Variants in FANCA observed in about 807,000 individuals in gnomAD.
FANCA encodes Fanconi anemia group A protein.
FANCA carries 236 observed loss-of-function variants against 194.3 expected under a neutral mutation model. That is an observed-to-expected ratio of 1.21 (90% CI 1.09 to 1.35). The LOEUF is 1.35. FANCA is among the 40% of genes most tolerant of loss of function. The pLI, the probability that FANCA is intolerant of heterozygous loss-of-function variation, is 0.00. For missense variants in FANCA, 2,628 were observed against 1,813.9 expected, an observed-to-expected ratio of 1.45 and a Z score of -8.15; for synonymous variants, 1,014 against 715.8, an observed-to-expected ratio of 1.42 and a Z score of -6.65.
At chr16:89,769,815 C>T (rs186286531) in intron 26 of FANCA, 22 bp downstream of exon 26, 96 of 1,613,312 alleles carry the variant, frequency 6.0e-5, no homozygotes, top group Admixed American at 1.5e-4. Context: ...AGAGAAGACG[C>T]GACTGTGGAA....
intron 28 of FANCA, among the ~76,000 whole-genome samples, chr16:89,764,656 G>A (rs1010012256): frequency 2.0e-5 from 3 of 152,200 alleles, no homozygotes; most frequent in African/African-American, 7.2e-5. Context: ...TTTTAGTCAA[G>A]ATTCCAATCA....
chr16:89,793,987 T>C (rs1306809769), intron 11 of FANCA, among the ~76,000 whole-genome samples: 1 of 152,076 alleles, frequency 6.6e-6, no homozygotes, highest in Non-Finnish European at 1.5e-5. Context: ...TCTGACCTCG[T>C]GACCTGCCCG....
intron 33 of FANCA, 116 bp downstream of exon 33, chr16:89,748,543 T>C (rs1049567813): frequency 6.7e-5 from 58 of 860,370 alleles, no homozygotes; most frequent in Middle Eastern, 2.1e-4. Flanking sequence ...CTATTTGACT[T>C]TGAACCCTTT....
chr16:89,764,062 T>C (rs913493916), intron 28 of FANCA, among the ~76,000 whole-genome samples: 3 of 151,546 alleles, frequency 2.0e-5, no homozygotes, highest in Non-Finnish European at 2.9e-5. Context: ...GACAACATGG[T>C]GAAACCCCGT....
At position 89,771,735 on chromosome 16, in the gene FANCA, C is replaced by G. The variant is rs201672093; in HGVS notation, c.2094G>C (p.Glu698Asp). Residue 698 changes from glutamate to aspartate, a missense_variant, in exon 23 of 43, where the codon GAG (glutamate) becomes GAC (aspartate). Glu to Asp is a conservative substitution (Grantham distance 45). Coordinates refer to ENST00000389301, the MANE Select transcript of FANCA (RefSeq NM_000135.4). ...LGHNEDDSSV[E>D]ISKIQLSINT... ...TGATGCTGAGCTGAATCTTTGATAT[C>G]TCAACGCTGCTGTCATCCTCATTGT... 1.1e-5 allele frequency: 17 copies of G among 1,614,156 alleles called. No homozygotes were observed. The highest frequency in any genetic ancestry group is 1.7e-4 in the Middle Eastern group (1 of 6,030).
In FANCA at chr16:89,778,797, A is replaced by T. The variant is rs979666807; in HGVS notation, c.1826+4T>A. On this transcript the variant is annotated splice_donor_region_variant and intron_variant, in intron 20 of 42. Coordinates refer to ENST00000389301, the MANE Select transcript of FANCA (RefSeq NM_000135.4). ...GTCATCCCCTTCTAACCGTTGCTGC[A>T]TACCTCTTCAGAGACTCTATAAACG... is the stretch of plus-strand genomic sequence containing the variant. 1.9e-6 allele frequency: 3 copies of T among 1,613,944 alleles called. No individual in the cohort carries two copies. Among genetic ancestry groups the T allele is most frequent in the Middle Eastern group, 1.6e-4 (1 of 6,062 alleles).
intron 11 of FANCA, among the ~76,000 whole-genome samples, chr16:89,794,246 T>A (rs758380230): frequency 1.3e-5 from 2 of 152,202 alleles, no homozygotes; most frequent in Non-Finnish European, 2.9e-5. Context: ...CATTTCAATT[T>A]TCCTGCTTTT....
intron 10 of FANCA, 35 bp from the exon 11 acceptor site, chr16:89,796,053 G>T: frequency 6.5e-7 from 1 of 1,545,964 alleles, no homozygotes; most frequent in Non-Finnish European, 8.9e-7. Context: ...TCAGGAAAGG[G>T]AGGGTGCCTT....
Position 89,779,862 on chromosome 16 carries a change from A to G in FANCA, c.1715+7T>C. The G allele has an allele frequency of 6.2e-7, 1 of 1,613,306 alleles. No individual in the cohort carries two copies. Among genetic ancestry groups the G allele is most frequent in the African/African-American group, 1.3e-5 (1 of 75,030 alleles). On this transcript the variant is annotated splice_region_variant and intron_variant, in intron 18 of 42. Coordinates refer to ENST00000389301, the MANE Select transcript of FANCA (RefSeq NM_000135.4). ...CTGCTAGAGGCCTTTTCGGCAGCCCAGCCTACCTGGCCTCCATGACGGTGA... is the reference window on the plus strand; with the variant it reads ...CTGCTAGAGGCCTTTTCGGCAGCCCGGCCTACCTGGCCTCCATGACGGTGA...
intron 39 of FANCA, 88 bp downstream of exon 39, chr16:89,739,906 C>G (rs757133727): frequency 6.3e-7 from 1 of 1,587,778 alleles, no homozygotes; most frequent in Non-Finnish European, 8.6e-7. Context: ...AGCAAGGAAC[C>G]TCAAGGAGGG....
At position 89,738,696 on chromosome 16, in the gene FANCA, G is replaced by T; in HGVS notation, c.4273C>A (p.Arg1425Ser). ...CTCACCTCTGGGTCGCAGTCCCCAC[G>T]ATCAGCCAGCAGCTGTGAGAGAGGA... ...FSHVAELLAD[R>S]GDCDPEVSAA... The change falls in exon 43 of 43, where the codon CGT (arginine) becomes AGT (serine). Residue 1425 changes from arginine (R) to serine (S), a missense_variant. Arg to Ser is a moderately radical substitution (Grantham distance 110). Coordinates refer to ENST00000389301, the MANE Select transcript of FANCA (RefSeq NM_000135.4). The T allele has an allele frequency of 1.2e-6, 2 of 1,613,884 alleles. No homozygotes were observed. The highest frequency in any genetic ancestry group is 2.2e-5 in the East Asian group (1 of 44,878).
chr16:89,769,703 T>C lies in FANCA; in HGVS notation c.2504+134A>G, dbSNP rs2039254077. 1 of 954,604 alleles carries C rather than the reference T, an allele frequency of 1.0e-6. No homozygotes were observed. The allele number at this position is 954,604 out of a possible 1,614,324, so 59.1% of individuals were successfully genotyped here. ...TGACAGATAAAATTCTGGAAGGATA[T>C]ATACCAAAATGCTAAAAAGTGGTTA... On this transcript the variant is annotated intron_variant, in intron 26 of 42. Transcript: ENST00000389301.
rs2040370137 is a variant in FANCA, at chr16:89,799,611, G to C, written c.820C>G (p.Leu274Val). Residue 274 changes from leucine to valine, a missense_variant, in exon 9 of 43, where the codon CTG becomes GTG. Physicochemically the swap from Leu to Val is conservative, Grantham distance 32. Transcript: ENST00000389301. ...TGCAGTGCAATTAACTTACAAATCA[G>C]CATTCTCTGCAGTACATCAACCGTG... The part of the protein sequence containing the change: ...QVTVDVLQRM[L>V]IFALDALAAG... 2 of 1,613,178 alleles carry C rather than the reference G, an allele frequency of 1.2e-6. No homozygotes were observed. The highest frequency in any genetic ancestry group is 2.2e-5 in the South Asian group (2 of 91,062).
At chr16:89,750,481 T>TA (rs1236440160) in intron 31 of FANCA, among the ~76,000 whole-genome samples, 11 of 102,600 alleles carry the variant, frequency 1.1e-4, no homozygotes, top group African/African-American at 4.4e-4. Context: ...AGACTCCGTC[T>TA]CAAAAAAAAA....
intron 30 of FANCA, among the ~76,000 whole-genome samples, chr16:89,753,911 C>T (rs1054503009): frequency 8.5e-5 from 13 of 152,268 alleles, no homozygotes; most frequent in Non-Finnish European, 1.6e-4. Flanking sequence ...AAAAATTAGA[C>T]GGGCGTGTTA....
chr16:89,776,949 T>C (rs954056983), intron 20 of FANCA, among the ~76,000 whole-genome samples: 1 of 152,036 alleles, frequency 6.6e-6, no homozygotes, highest in Non-Finnish European at 1.5e-5. Context: ...CAGTGGCTCA[T>C]ATTTGTAATC....
At position 89,758,551 on chromosome 16, in the gene FANCA, AC is replaced by A. The variant is rs1273985308; in HGVS notation, c.2981+25del. On this transcript the variant is annotated intron_variant, in intron 30 of 42. Coordinates refer to ENST00000389301, the MANE Select transcript of FANCA (RefSeq NM_000135.4). ...CCTATTAGTCCTGTCCCTCCAGAGAACCCTAATACAGTGTGTGCTGCTAACC... is the reference window on the plus strand; with the variant it reads ...CCTATTAGTCCTGTCCCTCCAGAGAACCTAATACAGTGTGTGCTGCTAACC... The A allele has an allele frequency of 2.5e-6, 4 of 1,611,488 alleles. No homozygotes were observed. In the East Asian group the frequency reaches 8.9e-5, roughly 36 times the overall value.
intron 15 of FANCA, 57 bp downstream of exon 15, chr16:89,784,797 A>G (rs1429796980): frequency 7.3e-7 from 1 of 1,362,434 alleles, no homozygotes; most frequent in Non-Finnish European, 1.1e-6. Flanking sequence ...GGCAGTCCTC[A>G]GATGCAGCAG....
chr16:89,761,702 G>A (rs552927123), intron 29 of FANCA, among the ~76,000 whole-genome samples: 4 of 152,258 alleles, frequency 2.6e-5, no homozygotes, highest in Admixed American at 1.3e-4. Flanking sequence ...TCAGCTCGCT[G>A]CAGCCTCTAC....
Sources: gnomAD v4.1 joint callset for allele counts (sites outside exome capture counted in the v4.1 genomes callset) on GRCh38, gnomAD v4.1.1 for gene constraint, MANE v1.5 for transcripts, NCBI Gene and HGNC (gene_info 2026-07-23, HGNC 2026-07-21) for gene names.